FAM13A: variants seen among roughly 807,000 people sequenced by gnomAD.
The protein encoded by FAM13A is family with sequence similarity 13 member A.
FAM13A carries 76 observed loss-of-function variants against 129.6 expected under a neutral mutation model. That is an observed-to-expected ratio of 0.59 (90% confidence interval 0.49 to 0.71). FAM13A has a LOEUF of 0.71. Among genes scored for constraint, FAM13A ranks in the 30% least tolerant of loss-of-function variants. FAM13A has a pLI of 0.00. For missense variants in FAM13A, 1,108 were observed against 1,249.3 expected (o/e 0.89, Z 1.70); for synonymous variants, 443 against 449.9 (o/e 0.98, Z 0.20).
rs539975107 is a variant in FAM13A at position 88,872,507 on chromosome 4, C to T, written c.844-21324G>A. ...CAATCCTAGTCTCTGATAAAACAGA[C>T]TTTAAACCAACAAAGATCAAAAGAG... On this transcript the variant is annotated intron_variant, in intron 6 of 23. Coordinates refer to ENST00000264344, the MANE Select transcript of FAM13A (RefSeq NM_014883.4). 2.2e-4 allele frequency among the ~76,000 whole-genome samples: 33 copies of T among 152,254 alleles called. No individual in the cohort carries two copies. In the East Asian group the frequency reaches 4.8e-3, roughly 22 times the overall value.
intron 7 of FAM13A, among the ~76,000 whole-genome samples, chr4:88,835,197 G>A (rs1259750010): frequency 6.6e-6 from 1 of 152,056 alleles, no homozygotes; most frequent in South Asian, 2.1e-4. Context: ...CCCCTATCGT[G>A]CCCTGCTTTC....
intron 7 of FAM13A, among the ~76,000 whole-genome samples, chr4:88,807,580 C>G (rs1198902981): frequency 2.0e-5 from 3 of 152,108 alleles, no homozygotes; most frequent in East Asian, 1.9e-4. Context: ...TACTAAAGTA[C>G]AGCGAGATGA....
intron 3 of FAM13A, among the ~76,000 whole-genome samples, chr4:88,996,497 G>A (rs999921069): frequency 3.3e-5 from 5 of 152,166 alleles, no homozygotes; most frequent in South Asian, 2.1e-4. Flanking sequence ...TAATCATTCC[G>A]AAAACATTTA....
chr4:88,772,513 G>T (rs940339677), intron 11 of FAM13A, among the ~76,000 whole-genome samples: 8 of 152,192 alleles, frequency 5.3e-5, no homozygotes, highest in African/African-American at 1.9e-4. Flanking sequence ...CCAATGGGAT[G>T]CGAGAAGTGA....
chr4:88,742,127 A>C (rs1740399579), intron 19 of FAM13A, among the ~76,000 whole-genome samples: 1 of 152,228 alleles, frequency 6.6e-6, no homozygotes, highest in Non-Finnish European at 1.5e-5. Flanking sequence ...ACCAGCCAGC[A>C]TCCCCACTGT....
intron 4 of FAM13A, among the ~76,000 whole-genome samples, chr4:88,968,253 T>A (rs2446306): frequency 0.16 from 24,946 of 152,180 alleles, 2,211 homozygotes; most frequent in South Asian, 0.28. Flanking sequence ...ACAAAGGTCA[T>A]CATCTGATTA....
chr4:89,029,463 G>A lies in FAM13A; in HGVS notation c.214C>T (p.His72Tyr). The A allele has an allele frequency of 1.9e-6, 3 of 1,596,172 alleles. No individual in the cohort carries two copies. The highest frequency in any genetic ancestry group is 2.6e-6 in the Non-Finnish European group (3 of 1,174,732). ...VWNIVEYLTQ[H>Y]GLTQEGLFRV... ...ACTAAAGCATGACTTAACTCACCAT[G>A]CTGCGTCAAATATTCCACTATATTC... The change falls in exon 2 of 24, where the codon CAT becomes TAT. Residue 72 changes from histidine to tyrosine, a missense_variant. Coordinates refer to ENST00000264344, the MANE Select transcript of FAM13A (RefSeq NM_014883.4).
chr4:88,858,762 T>A (rs988091009), intron 6 of FAM13A, among the ~76,000 whole-genome samples: 1 of 152,108 alleles, frequency 6.6e-6, no homozygotes, highest in Admixed American at 6.5e-5. Context: ...CAAATGGGTA[T>A]GGGGTTTCTT....
At chr4:89,054,896 C>A (rs1772031397) in intron 1 of FAM13A, among the ~76,000 whole-genome samples, 1 of 152,062 alleles carries the variant, frequency 6.6e-6, no homozygotes. Flanking sequence ...CTCTTTGAAC[C>A]CATTCATTCA....
intron 4 of FAM13A, among the ~76,000 whole-genome samples, chr4:88,953,270 C>T (rs1757229638): frequency 6.6e-6 from 1 of 151,892 alleles, no homozygotes; most frequent in South Asian, 2.1e-4. Flanking sequence ...GCCTGGCCAA[C>T]ATGGTGAAAC....
At chr4:88,995,141 G>A (rs1373535320) in intron 3 of FAM13A, among the ~76,000 whole-genome samples, 1 of 145,594 alleles carries the variant, frequency 6.9e-6, no homozygotes, top group Non-Finnish European at 1.5e-5. Flanking sequence ...CACCCAAAAT[G>A]TATATTTGTT....
intron 14 of FAM13A, among the ~76,000 whole-genome samples, chr4:88,754,669 C>A (rs1743275363): frequency 6.6e-6 from 1 of 152,108 alleles, no homozygotes; most frequent in South Asian, 2.1e-4. Flanking sequence ...AAAAAATTTT[C>A]TTTAGTGTTC....
At chr4:88,743,169 C>T (rs773012922) in intron 19 of FAM13A, among the ~76,000 whole-genome samples, 7 of 152,144 alleles carry the variant, frequency 4.6e-5, no homozygotes, top group African/African-American at 9.7e-5. Flanking sequence ...TCTTTTACTA[C>T]CCTATTTGGT....
intron 1 of FAM13A, among the ~76,000 whole-genome samples, chr4:89,037,753 T>C (rs1769576972): frequency 6.6e-6 from 1 of 152,084 alleles, no homozygotes; most frequent in Non-Finnish European, 1.5e-5. Context: ...GGGGGGTGGA[T>C]GGTAATAGTG....
chr4:89,052,828 A>C (rs1771781608), intron 1 of FAM13A, among the ~76,000 whole-genome samples: 2 of 152,106 alleles, frequency 1.3e-5, no homozygotes, highest in South Asian at 4.1e-4. Context: ...CTCCATCTTT[A>C]GGTCATTTAT....
chr4:88,876,294 T>G (rs2150104701), intron 6 of FAM13A, among the ~76,000 whole-genome samples: 1 of 151,224 alleles, frequency 6.6e-6, no homozygotes, highest in African/African-American at 2.4e-5. Flanking sequence ...AGTATAATAA[T>G]AATAAAAAAA....
At chr4:88,949,375 G>A (rs1394395224) in intron 4 of FAM13A, among the ~76,000 whole-genome samples, 3 of 151,876 alleles carry the variant, frequency 2.0e-5, no homozygotes, top group Non-Finnish European at 4.4e-5. Context: ...CAGATACTAT[G>A]TCCTTAATTG....
chr4:88,949,210 A>G (rs1407528247), intron 4 of FAM13A, among the ~76,000 whole-genome samples: 2 of 152,252 alleles, frequency 1.3e-5, no homozygotes, highest in African/African-American at 4.8e-5. Flanking sequence ...ATAAGTAAAT[A>G]AAGAGCAATA....
At chr4:88,926,628 G>C (rs1394960515) in intron 5 of FAM13A, among the ~76,000 whole-genome samples, 1 of 152,160 alleles carries the variant, frequency 6.6e-6, no homozygotes, top group Non-Finnish European at 1.5e-5. Flanking sequence ...TGACTTTCTA[G>C]TGTTTACCTA....
Sources: gnomAD v4.1 joint callset for allele counts (sites outside exome capture counted in the v4.1 genomes callset) on GRCh38, gnomAD v4.1.1 for gene constraint, MANE v1.5 for transcripts, NCBI Gene and HGNC (gene_info 2026-07-23, HGNC 2026-07-21) for gene names.